PRDM5: variants seen among roughly 807,000 people sequenced by gnomAD.
PRDM5 encodes the protein PR/SET domain 5, also known as PR domain zinc finger protein 5.
A neutral mutation model predicts 81.2 loss-of-function variants in PRDM5; 56 were observed. That is an observed-to-expected ratio of 0.69 (90% CI 0.56 to 0.86). The LOEUF (loss-of-function observed/expected upper bound fraction) is 0.86. Among genes scored for constraint, PRDM5 ranks in the 40% least tolerant of loss-of-function variants. The probability of loss-of-function intolerance (pLI) is 0.00; values close to 1 mark genes in which losing one functional copy is unlikely to be tolerated. For synonymous variants in PRDM5, 267 were observed against 256.4 expected (o/e 1.04, Z -0.39); for missense variants, 697 against 770.1 (o/e 0.91, Z 1.12).
intron 13 of PRDM5, 101 bp from the exon 14 acceptor site, chr4:120,754,739 C>A (rs917951956): frequency 6.1e-6 from 5 of 815,336 alleles, no homozygotes; most frequent in Non-Finnish European, 1.0e-5. Flanking sequence ...ACCGCATATG[C>A]CCTGTGCTAC....
chr4:120,740,229 A>C (rs1398649301), intron 14 of PRDM5, among the ~76,000 whole-genome samples: 1 of 152,236 alleles, frequency 6.6e-6, no homozygotes, highest in Admixed American at 6.5e-5. Flanking sequence ...ATTTTCAAAC[A>C]GTGACAATGA....
intron 3 of PRDM5, among the ~76,000 whole-genome samples, chr4:120,840,850 G>A (rs893356022): frequency 2.6e-5 from 4 of 152,154 alleles, no homozygotes; most frequent in Non-Finnish European, 4.4e-5. Flanking sequence ...GCGGCCACTC[G>A]AGACAGCCCT....
chr4:120,685,406 TTA>T (rs1733792849), intron 1 of PRDM5, among the ~76,000 whole-genome samples: 1 of 152,128 alleles, frequency 6.6e-6, no homozygotes, highest in South Asian at 2.1e-4. Context: ...TAATAAAGTA[TTA>T]TGTGTTAAAT....
chr4:120,816,359 C>G (rs1189650110), intron 7 of PRDM5, 94 bp downstream of exon 7: 1 of 1,600,988 alleles, frequency 6.2e-7, no homozygotes, highest in East Asian at 2.2e-5. Flanking sequence ...AATGGAAAAG[C>G]CAGCTCTCTC....
chr4:120,821,947 G>GA (rs1245354169), intron 3 of PRDM5, among the ~76,000 whole-genome samples: 420 of 92,322 alleles, frequency 4.5e-3, no homozygotes, highest in African/African-American at 6.7e-3. Context: ...ACGAGAAAAA[G>GA]AAAAAAAAAA....
chr4:120,851,143 A>G (rs1237473005), intron 3 of PRDM5, among the ~76,000 whole-genome samples: 1 of 152,146 alleles, frequency 6.6e-6, no homozygotes, highest in Non-Finnish European at 1.5e-5. Context: ...CAGAAATAAT[A>G]GGCAATAGGA....
downstream of PRDM5, among the ~76,000 whole-genome samples, chr4:120,684,631 C>T (rs1733771149): frequency 6.6e-6 from 1 of 151,880 alleles, no homozygotes; most frequent in Admixed American, 6.6e-5. Flanking sequence ...CCTTTTGGGG[C>T]TTATCTAATT....
chr4:120,695,895 T>C (rs1313444789), intron 15 of PRDM5, among the ~76,000 whole-genome samples: 1 of 151,976 alleles, frequency 6.6e-6, no homozygotes, highest in Non-Finnish European at 1.5e-5. Flanking sequence ...TCCACTGACA[T>C]GAAACTCTTC....
chr4:120,727,650 G>T (rs1276586989), intron 14 of PRDM5, among the ~76,000 whole-genome samples: 3 of 152,158 alleles, frequency 2.0e-5, no homozygotes, highest in Admixed American at 2.0e-4. Context: ...AAGTACCAGT[G>T]AAGGGCCAGG....
In PRDM5 at chr4:120,909,416, A is replaced by G. The variant is rs149992182; in HGVS notation, c.94-1859T>C. Among the ~76,000 whole-genome samples, 1,145 of 152,356 alleles carry G rather than the reference A, an allele frequency of 7.5e-3. 12 individuals are homozygous for G. The highest frequency in any genetic ancestry group is 0.011 in the Non-Finnish European group (766 of 68,036). ...TGAGCTTATGTTAAAGCCAATCTAG[A>G]AAACAGACCAAAAAATAAGGTGTGT... is the stretch of plus-strand genomic sequence containing the variant. On this transcript the variant is annotated intron_variant, in intron 1 of 15. Transcript: ENST00000264808.
chr4:120,750,420 T>C (rs993366088), intron 14 of PRDM5, among the ~76,000 whole-genome samples: 1 of 152,008 alleles, frequency 6.6e-6, no homozygotes. Flanking sequence ...GTGGCAAAGG[T>C]ACACAGGATC....
At chr4:120,913,982 G>A (rs891728245) in intron 1 of PRDM5, among the ~76,000 whole-genome samples, 1 of 152,106 alleles carries the variant, frequency 6.6e-6, no homozygotes, top group African/African-American at 2.4e-5. Flanking sequence ...CAGGACTGAC[G>A]CCACAGAGGA....
intron 2 of PRDM5, chr4:120,896,964 C>T (rs184349669): frequency 0.011 from 1,625 of 151,376 alleles, 23 homozygotes; most frequent in Middle Eastern, 0.085. Context: ...ATTACAGGCG[C>T]GAGCCACCAT....
At chr4:120,753,787 G>A (rs1372256712) in intron 14 of PRDM5, among the ~76,000 whole-genome samples, 2 of 152,142 alleles carry the variant, frequency 1.3e-5, no homozygotes, top group African/African-American at 4.8e-5. Flanking sequence ...AGATAATGCA[G>A]TGAAAAGTTG....
chr4:120,710,710 T>C lies in PRDM5; in HGVS notation c.1624-297A>G, dbSNP rs902136210. 3.4e-4 allele frequency among the ~76,000 whole-genome samples: 51 copies of C among 152,184 alleles called. 1 individual carries two copies. Among genetic ancestry groups the C allele is most frequent in the African/African-American group, 1.2e-3 (50 of 41,480 alleles). On this transcript the variant is annotated intron_variant, in intron 14 of 15. Transcript: ENST00000264808. ...GATCTGATGGTTTTATAAGGGGCTTTTCCCACTTTGCTCCATGCTTCTCTC... is the reference window on the plus strand; with the variant it reads ...GATCTGATGGTTTTATAAGGGGCTTCTCCCACTTTGCTCCATGCTTCTCTC...
rs1268973914 is a variant in PRDM5 at position 120,694,349 on chromosome 4, G to A, written c.*762C>T. The A allele has an allele frequency of 6.6e-6, 1 of 152,088 alleles. No individual in the cohort carries two copies. Among genetic ancestry groups the A allele is most frequent in the East Asian group, 1.9e-4 (1 of 5,194 alleles). The allele number at this position is 152,088 out of a possible 1,614,324, so 9.4% of individuals were successfully genotyped here. ...GGTCTAAATTCAAGAGGGGTAGCCT[G>A]CTGAATATTTAAATGTGATGGTCAT... is the stretch of plus-strand genomic sequence containing the variant. On this transcript the variant is annotated 3_prime_UTR_variant, in exon 16 of 16. Transcript: ENST00000264808.
At chr4:120,765,467 C>A (rs962416926) in intron 13 of PRDM5, among the ~76,000 whole-genome samples, 3 of 152,202 alleles carry the variant, frequency 2.0e-5, no homozygotes, top group Admixed American at 2.0e-4. Context: ...GAATTAACCT[C>A]AGCTCTCACT....
In PRDM5 at chr4:120,692,084, C is replaced by T. The variant is rs1734086841; in HGVS notation, c.*3027G>A. The T allele has an allele frequency of 1.3e-5, 2 of 152,052 alleles. No homozygotes were observed. The highest frequency in any genetic ancestry group is 2.9e-5 in the Non-Finnish European group (2 of 67,980). The allele number at this position is 152,052 out of a possible 1,614,324, so 9.4% of individuals were successfully genotyped here. On this transcript the variant is annotated 3_prime_UTR_variant, in exon 16 of 16. Coordinates refer to ENST00000264808, the MANE Select transcript of PRDM5 (RefSeq NM_018699.4). ...ATTTCCTCCTACCTACCCACTTCCA[C>T]ATATTCATTACTCTAAGATGAGTTT...
chr4:120,918,338 C>T (rs1185802831), intron 1 of PRDM5, among the ~76,000 whole-genome samples: 2 of 152,128 alleles, frequency 1.3e-5, no homozygotes, highest in South Asian at 2.1e-4. Context: ...TAGTTATCAT[C>T]GGCCACCAGG....
Sources: gnomAD v4.1 joint callset for allele counts (sites outside exome capture counted in the v4.1 genomes callset) on GRCh38, gnomAD v4.1.1 for gene constraint, MANE v1.5 for transcripts, NCBI Gene and HGNC (gene_info 2026-07-23, HGNC 2026-07-21) for gene names.